Variants in TOR1AIP1 observed in about 807,000 individuals in gnomAD.
The protein encoded by TOR1AIP1 is torsin 1A interacting protein 1, also known as torsin-1A-interacting protein 1.
A neutral mutation model predicts 63.3 loss-of-function variants in TOR1AIP1; 54 were observed. The ratio of observed to expected loss-of-function variants is 0.85; its 90% confidence interval spans 0.69 to 1.07. TOR1AIP1 has a LOEUF of 1.07. Ranked by LOEUF, TOR1AIP1 falls within the 50% of genes least tolerant of loss-of-function variation. The pLI is 0.00. For missense variants in TOR1AIP1, 736 were observed against 715.0 expected (o/e 1.03, Z -0.33); for synonymous variants, 294 against 273.5 (o/e 1.07, Z -0.74).
At chr1:179,883,756 A>G (rs373659357) in intron 1 of TOR1AIP1, 1 of 453,948 alleles carries the variant, frequency 2.2e-6, no homozygotes. Flanking sequence ...AGGGATGCTG[A>G]CAAAGTGAGT....
At chr1:179,888,688 G>C (rs1413617993) in intron 2 of TOR1AIP1, among the ~76,000 whole-genome samples, 1 of 152,136 alleles carries the variant, frequency 6.6e-6, no homozygotes, top group African/African-American at 2.4e-5. Flanking sequence ...TTTGGTTTTA[G>C]AACATGTTAT....
chr1:179,882,695 G>GA lies in TOR1AIP1; in HGVS notation c.195dup (p.Val66SerfsTer44). On this transcript the variant is annotated frameshift_variant, in exon 1 of 10. Coordinates refer to ENST00000606911, the MANE Select transcript of TOR1AIP1 (RefSeq NM_015602.4). LOFTEE classifies it high-confidence loss of function. ...AGTGAGGTTCTCGGACGAGCCGCCA[G>GA]AAGTGTACGGCGACTTCGAGCCCCT... 6.2e-7 allele frequency: 1 copy of GA among 1,611,216 alleles called. No individual in the cohort carries two copies. Among genetic ancestry groups the GA allele is most frequent in the South Asian group, 1.1e-5 (1 of 90,942 alleles).
At chr1:179,897,610 C>T (rs1246711830) in intron 3 of TOR1AIP1, among the ~76,000 whole-genome samples, 1 of 152,100 alleles carries the variant, frequency 6.6e-6, no homozygotes, top group Non-Finnish European at 1.5e-5. Flanking sequence ...ATTATAGATT[C>T]TAAAATCTAT....
At chr1:179,915,955 C>T (rs564783755) in intron 9 of TOR1AIP1, among the ~76,000 whole-genome samples, 2 of 152,254 alleles carry the variant, frequency 1.3e-5, no homozygotes, top group African/African-American at 4.8e-5. Context: ...CCTTGTAATT[C>T]ATTTGCACAA....
chr1:179,901,552 AT>A (rs1648466448), intron 5 of TOR1AIP1, among the ~76,000 whole-genome samples, 164 bp downstream of exon 5: 1 of 152,178 alleles, frequency 6.6e-6, no homozygotes, highest in South Asian at 2.1e-4. Flanking sequence ...TGTTCATCCG[AT>A]TAATACTATG....
At chr1:179,887,467 G>A (rs530788747) in intron 2 of TOR1AIP1, among the ~76,000 whole-genome samples, 71 of 152,090 alleles carry the variant, frequency 4.7e-4, no homozygotes, top group Non-Finnish European at 9.4e-4. Context: ...TACATCATTT[G>A]GTTATCTTGT....
At chr1:179,915,461 A>T (rs1472555392) in intron 9 of TOR1AIP1, among the ~76,000 whole-genome samples, 1 of 152,264 alleles carries the variant, frequency 6.6e-6, no homozygotes, top group East Asian at 1.9e-4. Context: ...CAAGACTTTA[A>T]AAAAGTGTTA....
Position 179,905,043 on chromosome 1 carries a change from A to C in TOR1AIP1, c.796+1021A>C, listed in dbSNP as rs549628286. Reference sequence around the variant, plus strand: ...TCTTTGTATGTAAAAATCTTCAAGAACTTTTTTTTTCTTCCACATTACTTT... The same window carrying C: ...TCTTTGTATGTAAAAATCTTCAAGACCTTTTTTTTTCTTCCACATTACTTT... On this transcript the variant is annotated intron_variant, in intron 6 of 9. Coordinates refer to ENST00000606911, the MANE Select transcript of TOR1AIP1 (RefSeq NM_015602.4). Among the ~76,000 whole-genome samples, 10 of 152,312 alleles carry C rather than the reference A, an allele frequency of 6.6e-5. No individual in the cohort carries two copies. The South Asian group carries it at 1.7e-3, about 25-fold the overall frequency.
intron 3 of TOR1AIP1, among the ~76,000 whole-genome samples, chr1:179,890,606 C>CTT (rs901612096): frequency 6.7e-6 from 1 of 149,748 alleles, no homozygotes; most frequent in Non-Finnish European, 1.5e-5. Context: ...TATTTCTATT[C>CTT]TTTTTTTTTT....
At chr1:179,888,946 A>G (rs1236485366) in intron 2 of TOR1AIP1, among the ~76,000 whole-genome samples, 2 of 152,330 alleles carry the variant, frequency 1.3e-5, no homozygotes, top group African/African-American at 4.8e-5. Flanking sequence ...AATAATCCAC[A>G]ATGAGGGTCA....
chr1:179,918,349 A>T lies in TOR1AIP1; in HGVS notation c.*110A>T. On this transcript the variant is annotated 3_prime_UTR_variant, in exon 10 of 10. Transcript: ENST00000606911. The stretch of plus-strand genomic sequence containing the variant: ...TGAAAGAACTAGTTTCTTTTTAAAG[A>T]AGTTAAGTGCTTACATAAACATGGA... 1 of 997,454 alleles carries T rather than the reference A, an allele frequency of 1.0e-6. No homozygotes were observed. The highest frequency in any genetic ancestry group is 1.4e-6 in the Non-Finnish European group (1 of 698,268). The allele number at this position is 997,454 out of a possible 1,614,324, so 61.8% of individuals were successfully genotyped here.
intron 8 of TOR1AIP1, among the ~76,000 whole-genome samples, chr1:179,909,504 G>A (rs188501465): frequency 7.2e-5 from 11 of 151,886 alleles, no homozygotes; most frequent in South Asian, 2.1e-4. Context: ...TCTGCCTCCC[G>A]GGTTCAAGCA....
chr1:179,909,727 C>T (rs1230598685), intron 8 of TOR1AIP1, among the ~76,000 whole-genome samples: 4 of 152,046 alleles, frequency 2.6e-5, no homozygotes, highest in East Asian at 1.9e-4. Flanking sequence ...TGAGCCACTG[C>T]GCCCAGCCTT....
chr1:179,895,453 C>T (rs546859921), intron 3 of TOR1AIP1, among the ~76,000 whole-genome samples: 4 of 151,950 alleles, frequency 2.6e-5, no homozygotes, highest in African/African-American at 9.7e-5. Flanking sequence ...CAAAAAAATG[C>T]AACTGTTAGC....
chr1:179,882,887 C>A lies in TOR1AIP1; in HGVS notation c.385C>A (p.Arg129Ser). 1 of 1,614,152 alleles carries A rather than the reference C, an allele frequency of 6.2e-7. No homozygotes were observed. The highest frequency in any genetic ancestry group is 2.2e-5 in the East Asian group (1 of 44,884). The change falls in exon 1 of 10, where the codon CGC becomes AGC. Residue 129 changes from arginine to serine, a missense_variant. Around this residue, in one of 2 missense-constraint regions of TOR1AIP1, gnomAD observed 464 missense variants for 371.0 expected, o/e 1.25. Transcript: ENST00000606911. ...GGAAATGAAGACGCGAAGGACTACCCGCCTTCAGCAGCAGCACTCAGAGCA... is the reference window on the plus strand; with the variant it reads ...GGAAATGAAGACGCGAAGGACTACCAGCCTTCAGCAGCAGCACTCAGAGCA... ...TEEMKTRRTT[R>S]LQQQHSEQPP...
chr1:179,910,099 A>C (rs1251948264), intron 8 of TOR1AIP1, among the ~76,000 whole-genome samples: 2 of 152,188 alleles, frequency 1.3e-5, no homozygotes, highest in East Asian at 3.8e-4. Context: ...AATGTCACAG[A>C]ATTTAAGGAA....
intron 3 of TOR1AIP1, among the ~76,000 whole-genome samples, chr1:179,893,406 G>C (rs912070153): frequency 3.0e-4 from 45 of 152,048 alleles, no homozygotes; most frequent in African/African-American, 1.0e-3. Context: ...CCCCACTCTT[G>C]ACTCTGTTCT....
intron 8 of TOR1AIP1, chr1:179,913,619 G>T: frequency 1.4e-6 from 1 of 702,320 alleles, no homozygotes; most frequent in Non-Finnish European, 2.6e-6. Context: ...ATATATGGCA[G>T]TTTTTCAGAT....
At chr1:179,914,100 G>C in intron 9 of TOR1AIP1, 46 bp downstream of exon 9, 1 of 1,543,498 alleles carries the variant, frequency 6.5e-7, no homozygotes. Flanking sequence ...TGTAAAATTG[G>C]TATTCCATAA....
Sources: allele counts gnomAD v4.1 joint callset (sites outside exome capture counted in the v4.1 genomes callset), GRCh38; gene constraint gnomAD v4.1.1; regional missense constraint gnomAD v4.1.1; transcripts MANE v1.5; gene names NCBI Gene and HGNC (gene_info 2026-07-23, HGNC 2026-07-21).